SNX16: variants seen among roughly 807,000 people sequenced by gnomAD.
The protein encoded by SNX16 is sorting nexin 16.
Under a neutral mutation model 36.7 loss-of-function variants are expected in SNX16, and 35 were observed. The observed-to-expected ratio is 0.95, with a 90% CI of 0.73 to 1.27. SNX16 has a LOEUF of 1.27. Among genes scored for constraint, SNX16 ranks in the 50% most tolerant of loss-of-function variants. The pLI, the probability that SNX16 is intolerant of heterozygous loss-of-function variation, is 0.00. For missense variants in SNX16, 367 were observed against 393.6 expected (o/e 0.93, Z 0.57); for synonymous variants, 134 against 132.0 (o/e 1.02, Z -0.10).
In SNX16 at chr8:81,800,165, A is replaced by G. The variant is rs1440305515; in HGVS notation, c.*1332T>C. ...AGATACCGATAAACTTTTAGATAGT[A>G]AAGAAAAAAATGGAGATTGTTATTC... On this transcript the variant is annotated 3_prime_UTR_variant, in exon 8 of 8. Coordinates refer to ENST00000345957, the MANE Select transcript of SNX16 (RefSeq NM_152836.3). 6.6e-6 allele frequency: 1 copy of G among 151,914 alleles called. No individual in the cohort carries two copies. Among genetic ancestry groups the G allele is most frequent in the Non-Finnish European group, 1.5e-5 (1 of 67,756 alleles). The allele number at this position is 151,914 out of a possible 1,614,324, so 9.4% of individuals were successfully genotyped here.
chr8:81,808,994 T>A (rs1244808679), intron 5 of SNX16, among the ~76,000 whole-genome samples: 15 of 152,198 alleles, frequency 9.9e-5, no homozygotes, highest in Non-Finnish European at 1.8e-4. Context: ...ATGTAGTTTT[T>A]TTTTTTTTGC....
chr8:81,811,920 AATG>A (rs1347260768), intron 5 of SNX16, among the ~76,000 whole-genome samples: 2 of 150,918 alleles, frequency 1.3e-5, no homozygotes, highest in African/African-American at 4.8e-5. Context: ...AAATTGAATT[AATG>A]ATAAGGATAA....
At chr8:81,807,931 TC>T (rs1019744205) in intron 5 of SNX16, 130 of 773,866 alleles carry the variant, frequency 1.7e-4, no homozygotes, top group South Asian at 4.0e-5. Context: ...CACCAGGTGC[TC>T]CAGGGGCTTT....
At chr8:81,841,791 G>A (rs1173756396) in intron 1 of SNX16, 1 of 152,274 alleles carries the variant, frequency 6.6e-6, no homozygotes, top group Non-Finnish European at 1.5e-5. Context: ...CCGTGGGCGG[G>A]AGGAAAGAGG....
At chr8:81,807,572 C>T (rs1004475478) in intron 5 of SNX16, among the ~76,000 whole-genome samples, 8 of 148,172 alleles carry the variant, frequency 5.4e-5, no homozygotes, top group South Asian at 4.3e-4. Flanking sequence ...TAAACAGACC[C>T]GTTCACACTC....
chr8:81,821,756 C>T (rs1191708041), intron 4 of SNX16, among the ~76,000 whole-genome samples: 1 of 151,858 alleles, frequency 6.6e-6, no homozygotes, highest in Non-Finnish European at 1.5e-5. Context: ...ATATCATTCA[C>T]TCAAGAAGTA....
At chr8:81,808,136 G>A (rs1810052852) in intron 5 of SNX16, 7 of 1,271,414 alleles carry the variant, frequency 5.5e-6, no homozygotes, top group Middle Eastern at 2.6e-4. Flanking sequence ...CATCACCTAA[G>A]AGATTATTTT....
chr8:81,832,391 C>CAATATAATATA (rs1328292925), intron 2 of SNX16, among the ~76,000 whole-genome samples: 9 of 151,986 alleles, frequency 5.9e-5, no homozygotes. Flanking sequence ...AAGATAGCAA[C>CAATATAATATA]AATAGACACT....
chr8:81,802,617 A>C lies in SNX16; in HGVS notation c.819-118T>G, dbSNP rs1358954076. The C allele has an allele frequency of 1.1e-5, 8 of 720,820 alleles. No homozygotes were observed. In the East Asian group the frequency reaches 2.5e-4, roughly 22 times the overall value. The allele number at this position is 720,820 out of a possible 1,614,324, so 44.7% of individuals were successfully genotyped here. A position where few individuals can be genotyped will look rare whatever the true frequency, so the allele number is the denominator to read the frequency against. ...CTGTTAAGCCTTAATGTAGTTACAT[A>C]GCTAATAAATAGCTCACTTTGGAAG... On this transcript the variant is annotated intron_variant, in intron 6 of 7. Transcript: ENST00000345957.
At chr8:81,803,322 G>A (rs190653603) in intron 5 of SNX16, 94 bp from the exon 6 acceptor site, 6 of 1,228,760 alleles carry the variant, frequency 4.9e-6, no homozygotes, top group African/African-American at 3.1e-5. Context: ...TTATTGAAGA[G>A]TCAAAGAACA....
intron 3 of SNX16, among the ~76,000 whole-genome samples, chr8:81,825,487 T>A (rs1810969920): frequency 6.6e-6 from 1 of 152,146 alleles, no homozygotes; most frequent in African/African-American, 2.4e-5. Context: ...GCCTGGGCAT[T>A]GTAATTTTAA....
Position 81,800,779 on chromosome 8 carries a change from A to G in SNX16, c.*718T>C, listed in dbSNP as rs1809650696. On this transcript the variant is annotated 3_prime_UTR_variant, in exon 8 of 8. Coordinates refer to ENST00000345957, the MANE Select transcript of SNX16 (RefSeq NM_152836.3). ...AAACTCACTAAATCTAGGTAGAGAT[A>G]AAGATTACGTGGAAACTAAACAAAT... 2 of 152,228 alleles carry G rather than the reference A, an allele frequency of 1.3e-5. No individual in the cohort carries two copies. Among genetic ancestry groups the G allele is most frequent in the African/African-American group, 2.4e-5 (1 of 41,448 alleles). 9.4% of individuals were successfully genotyped at this position (152,228 alleles called of 1,614,324 possible).
At chr8:81,822,952 A>ATG (rs1810826805) in intron 4 of SNX16, among the ~76,000 whole-genome samples, 1 of 68,154 alleles carries the variant, frequency 1.5e-5, no homozygotes, top group African/African-American at 6.2e-5. Flanking sequence ...ATATACATAT[A>ATG]TATATATATA....
rs781188221 is a variant in SNX16, at chr8:81,840,025, G to A, written c.-39C>T. 1.3e-5 allele frequency: 20 copies of A among 1,535,086 alleles called. No homozygotes were observed. In the East Asian group the frequency reaches 4.5e-4, roughly 35 times the overall value. Reference sequence around the variant, plus strand: ...TTCCAACAAGCTTGCACACTGTTGAGTCCACTTAGAGAACAACTAATATGC... The same window carrying A: ...TTCCAACAAGCTTGCACACTGTTGAATCCACTTAGAGAACAACTAATATGC... On this transcript the variant is annotated 5_prime_UTR_variant, in exon 2 of 8. Transcript: ENST00000345957.
intron 5 of SNX16, chr8:81,814,570 A>C (rs898121262): frequency 1.3e-5 from 2 of 152,114 alleles, no homozygotes; most frequent in African/African-American, 4.8e-5. Context: ...TAACTGCTCT[A>C]TAAATTTCCA....
chr8:81,830,579 TAAAAAAAAAAAA>T (rs752827905), intron 2 of SNX16, among the ~76,000 whole-genome samples: 1 of 90,254 alleles, frequency 1.1e-5, no homozygotes, highest in Non-Finnish European at 2.2e-5. Context: ...GTCTAGGGGG[TAAAAAAAAAAAA>T]AAAAAAAAAA....
intron 5 of SNX16, among the ~76,000 whole-genome samples, chr8:81,809,126 T>G (rs558207365): frequency 6.6e-6 from 1 of 152,182 alleles, no homozygotes; most frequent in East Asian, 1.9e-4. Flanking sequence ...TCCCCAACAG[T>G]GTGAAGTTAG....
chr8:81,841,481 G>C (rs17713141), intron 1 of SNX16, among the ~76,000 whole-genome samples: 3,805 of 152,032 alleles, frequency 0.025, 71 homozygotes, highest in Non-Finnish European at 0.038. Flanking sequence ...AAGTAAGTCT[G>C]AAATCTCAAC....
chr8:81,808,173 T>G, intron 5 of SNX16: 2 of 1,331,214 alleles, frequency 1.5e-6, no homozygotes, highest in Non-Finnish European at 2.1e-6. Context: ...TGGAAGTGAT[T>G]GAAATCATGA....
Sources: gnomAD v4.1 joint callset for allele counts (sites outside exome capture counted in the v4.1 genomes callset) on GRCh38, gnomAD v4.1.1 for gene constraint, MANE v1.5 for transcripts, NCBI Gene and HGNC (gene_info 2026-07-23, HGNC 2026-07-21) for gene names.